The following ZNF385C variants were observed in gnomAD, a reference collection of about 807,000 sequenced individuals.
ZNF385C encodes the protein zinc finger protein 385C, also known as CTD-2132N18.2.
ZNF385C carries 28 observed loss-of-function variants against 35.4 expected under a neutral mutation model. That is an observed-to-expected ratio of 0.79 (90% CI 0.59 to 1.08). ZNF385C has a LOEUF of 1.08. Among genes scored for constraint, ZNF385C ranks in the 50% least tolerant of loss-of-function variants. ZNF385C has a pLI of 0.00. For missense variants in ZNF385C, 605 were observed against 595.6 expected, an observed-to-expected ratio of 1.02 and a Z score of -0.16; for synonymous variants, 248 against 248.2, an observed-to-expected ratio of 1.00 and a Z score of 0.01.
Position 42,062,808 on chromosome 17 carries a change from T to C in ZNF385C, c.249A>G (p.Pro83=). Residue 83 remains proline, a splice_region_variant and synonymous_variant, in exon 2 of 9, where the codon CCA becomes CCG. Coordinates refer to ENST00000692273, the MANE Select transcript of ZNF385C (RefSeq NM_001392013.1). Reference sequence around the variant, plus strand: ...GAGCAGCGTCCCCTCTACACTGACCTGGCCCTGAGGGGCTCTTCCCCAAGC... The same window carrying C: ...GAGCAGCGTCCCCTCTACACTGACCCGGCCCTGAGGGGCTCTTCCCCAAGC... ...QLSLGKSPSG[P]AGPASGAPSP... is the part of the protein sequence containing the mutation. 1.7e-6 allele frequency: 1 copy of C among 600,446 alleles called. No individual in the cohort carries two copies. 37.2% of individuals were successfully genotyped at this position (600,446 alleles called of 1,614,324 possible).
intron 5 of ZNF385C, among the ~76,000 whole-genome samples, chr17:42,030,287 A>T (rs577853349): frequency 5.3e-5 from 8 of 152,316 alleles, no homozygotes; most frequent in African/African-American, 1.9e-4. Flanking sequence ...CAGGAGTTCG[A>T]GACCAGCCTG....
chr17:42,034,347 G>A lies in ZNF385C; in HGVS notation c.400-12C>T, dbSNP rs781928322. The A allele has an allele frequency of 6.5e-6, 10 of 1,546,946 alleles. No homozygotes were observed. The highest frequency in any genetic ancestry group is 3.6e-5 in the South Asian group (3 of 83,938). The stretch of plus-strand genomic sequence containing the variant: ...TGGACCGGGTCCATCTGTGAAGGGA[G>A]TGGGAGGGCATAATAACTCTGGGGT... On this transcript the variant is annotated splice_polypyrimidine_tract_variant and intron_variant, in intron 3 of 8. Transcript: ENST00000692273.
chr17:42,029,855 G>A (rs1179969990), intron 5 of ZNF385C, among the ~76,000 whole-genome samples: 2 of 151,406 alleles, frequency 1.3e-5, no homozygotes, highest in South Asian at 2.1e-4. Context: ...GTGACACAGC[G>A]AAACACCATC....
At chr17:42,055,729 G>A (rs1172651993) in intron 2 of ZNF385C, among the ~76,000 whole-genome samples, 1 of 152,154 alleles carries the variant, frequency 6.6e-6, no homozygotes, top group East Asian at 1.9e-4. Flanking sequence ...GCAGGGAGTG[G>A]GGGTGAGAAG....
chr17:42,043,197 G>A (rs1400322305), intron 2 of ZNF385C: 5 of 1,232,110 alleles, frequency 4.1e-6, no homozygotes, highest in Middle Eastern at 3.1e-4. Context: ...AGGCGTTTTC[G>A]GCTTTGCCAT....
chr17:42,069,109 C>T (rs2053588203), intron 1 of ZNF385C, among the ~76,000 whole-genome samples: 1 of 152,214 alleles, frequency 6.6e-6, no homozygotes, highest in Non-Finnish European at 1.5e-5. Flanking sequence ...TCCCTGTCTT[C>T]CCTGAGAGAT....
chr17:42,034,222 C>G lies in ZNF385C; in HGVS notation c.510+3G>C, dbSNP rs782773965. ...CAGACCTGCTTTCACTACTTTGTCTCACCGCTGAGTTGAACCTCAGGTGAC... is the reference window on the plus strand; with the variant it reads ...CAGACCTGCTTTCACTACTTTGTCTGACCGCTGAGTTGAACCTCAGGTGAC... On this transcript the variant is annotated splice_donor_region_variant and intron_variant, in intron 4 of 8. Transcript: ENST00000692273. The G allele has an allele frequency of 5.4e-5, 84 of 1,549,956 alleles. No individual in the cohort carries two copies. The highest frequency in any genetic ancestry group is 6.5e-5 in the Non-Finnish European group (74 of 1,146,484).
intron 1 of ZNF385C, among the ~76,000 whole-genome samples, chr17:42,093,588 T>TA (rs1555660739): frequency 1.2e-4 from 17 of 144,866 alleles, no homozygotes; most frequent in African/African-American, 4.5e-4. Flanking sequence ...TTTATTTATT[T>TA]TTTTTTTTTT....
intron 1 of ZNF385C, among the ~76,000 whole-genome samples, chr17:42,081,671 CA>C (rs1567996240): frequency 6.6e-6 from 1 of 152,168 alleles, no homozygotes; most frequent in African/African-American, 2.4e-5. Flanking sequence ...CCACCACGCC[CA>C]ACCTCTACCC....
At chr17:42,037,457 G>C (rs1555655589) in intron 3 of ZNF385C, among the ~76,000 whole-genome samples, 1 of 151,248 alleles carries the variant, frequency 6.6e-6, no homozygotes, top group Non-Finnish European at 1.5e-5. Context: ...AGCTTAAGTG[G>C]AATGCACAGA....
chr17:42,097,099 C>T (rs191318722), intron 1 of ZNF385C, among the ~76,000 whole-genome samples: 9 of 152,206 alleles, frequency 5.9e-5, no homozygotes, highest in South Asian at 4.1e-4. Flanking sequence ...CGCCAGGCTC[C>T]AGGCACTGTG....
chr17:42,085,025 G>A (rs146931796), intron 1 of ZNF385C, among the ~76,000 whole-genome samples: 16,566 of 152,126 alleles, frequency 0.11, 1,214 homozygotes, highest in Middle Eastern at 0.3. Flanking sequence ...GGCTGGGTGC[G>A]GTGGCTCATG....
At chr17:42,040,280 G>A (rs1255938520) in intron 2 of ZNF385C, 19 of 1,231,530 alleles carry the variant, frequency 1.5e-5, no homozygotes, top group Non-Finnish European at 1.7e-5. Context: ...TCCAAGCCCC[G>A]GACCGCAGCC....
At chr17:42,081,124 G>A (rs2143928204) in intron 1 of ZNF385C, among the ~76,000 whole-genome samples, 1 of 152,306 alleles carries the variant, frequency 6.6e-6, no homozygotes, top group Middle Eastern at 3.4e-3. Context: ...ATCTAGCAGT[G>A]AACGGAAGTC....
chr17:42,092,122 A>G (rs1057469148), intron 1 of ZNF385C, among the ~76,000 whole-genome samples: 6 of 152,270 alleles, frequency 3.9e-5, no homozygotes, highest in Admixed American at 3.3e-4. Flanking sequence ...GATCTTAGCC[A>G]GGCCCAGAGG....
At chr17:42,074,398 T>G (rs1160339097) in intron 1 of ZNF385C, among the ~76,000 whole-genome samples, 1 of 152,042 alleles carries the variant, frequency 6.6e-6, no homozygotes, top group South Asian at 2.1e-4. Flanking sequence ...CTAAAGATTT[T>G]TTTTTTTTTT....
At chr17:42,066,280 G>C (rs1342338204) in intron 1 of ZNF385C, among the ~76,000 whole-genome samples, 2 of 151,750 alleles carry the variant, frequency 1.3e-5, no homozygotes, top group East Asian at 3.9e-4. Flanking sequence ...GGATGGTCTC[G>C]ATCTCTTGAC....
intron 1 of ZNF385C, among the ~76,000 whole-genome samples, chr17:42,063,678 G>C (rs1411606920): frequency 6.6e-6 from 1 of 152,234 alleles, no homozygotes; most frequent in African/African-American, 2.4e-5. Context: ...GCGGACTGGG[G>C]TCTTGGAGGA....
chr17:42,027,737 C>G lies in ZNF385C; in HGVS notation c.1165-9G>C. 6.2e-7 allele frequency: 1 copy of G among 1,607,498 alleles called. No homozygotes were observed. Among genetic ancestry groups the G allele is most frequent in the Non-Finnish European group, 8.5e-7 (1 of 1,177,230 alleles). On this transcript the variant is annotated splice_polypyrimidine_tract_variant and intron_variant, in intron 7 of 8. Coordinates refer to ENST00000692273, the MANE Select transcript of ZNF385C (RefSeq NM_001392013.1). ...CTCCTGCTGCTCATGTGCTAATGGACAGACAGACAGACTGGGAACAAGATG... is the reference window on the plus strand; with the variant it reads ...CTCCTGCTGCTCATGTGCTAATGGAGAGACAGACAGACTGGGAACAAGATG...
Sources: allele counts gnomAD v4.1 joint callset (sites outside exome capture counted in the v4.1 genomes callset), GRCh38; gene constraint gnomAD v4.1.1; transcripts MANE v1.5; gene names NCBI Gene and HGNC (gene_info 2026-07-23, HGNC 2026-07-21).